Variants in POU2F1 observed in about 807,000 individuals in gnomAD.
POU2F1 encodes the protein POU domain, class 2, transcription factor 1.
POU2F1 carries 16 observed loss-of-function variants against 84.9 expected under a neutral mutation model. That is an observed-to-expected ratio of 0.19 (90% CI 0.13 to 0.29). The LOEUF (loss-of-function observed/expected upper bound fraction) is 0.29. Ranked by LOEUF, POU2F1 falls within the 10% of genes least tolerant of loss-of-function variation. The pLI is 1.00. For missense variants in POU2F1, 738 were observed against 942.6 expected, an observed-to-expected ratio of 0.78 and a Z score of 2.84; for synonymous variants, 368 against 368.3, an observed-to-expected ratio of 1.00 and a Z score of 0.01.
rs551447302 is a variant in POU2F1 at position 167,409,973 on chromosome 1, G to C, written c.1556-1986G>C. Reference sequence around the variant, plus strand: ...CTATGTGACAGGGGGCATGTCTTAAGAGAAGATTAAAGCGAAAAAGGGTAT... The same window carrying C: ...CTATGTGACAGGGGGCATGTCTTAACAGAAGATTAAAGCGAAAAAGGGTAT... On this transcript the variant is annotated intron_variant, in intron 13 of 15. Coordinates refer to ENST00000367866, the MANE Select transcript of POU2F1 (RefSeq NM_002697.4). 5.1e-4 allele frequency among the ~76,000 whole-genome samples: 78 copies of C among 152,306 alleles called. 1 individual carries two copies. The South Asian group carries it at 0.016, about 31-fold the overall frequency.
chr1:167,275,030 G>GTTTTTTTTTTTTTTTTTTT (rs1202443333), intron 1 of POU2F1, among the ~76,000 whole-genome samples: 1 of 120,756 alleles, frequency 8.3e-6, no homozygotes. Context: ...TCAAATAAAT[G>GTTTTTTTTTTTTTTTTTTT]TATTTTTTTT....
intron 1 of POU2F1, among the ~76,000 whole-genome samples, chr1:167,242,435 A>T (rs946573096): frequency 6.6e-6 from 1 of 152,206 alleles, no homozygotes; most frequent in African/African-American, 2.4e-5. Context: ...CTGGTACTTG[A>T]AAAACATGGT....
At chr1:167,272,752 A>G (rs561052882) in intron 1 of POU2F1, among the ~76,000 whole-genome samples, 5 of 152,242 alleles carry the variant, frequency 3.3e-5, no homozygotes, top group East Asian at 1.9e-4. Context: ...GAGGATTACA[A>G]TTTGACATGA....
intron 2 of POU2F1, among the ~76,000 whole-genome samples, chr1:167,357,873 G>C (rs1037778641): frequency 1.4e-5 from 2 of 140,072 alleles, no homozygotes; most frequent in Non-Finnish European, 3.0e-5. Context: ...GCGCTATCTC[G>C]GCTCATTGCA....
chr1:167,371,300 C>T (rs1392572216), intron 4 of POU2F1, among the ~76,000 whole-genome samples: 1 of 152,176 alleles, frequency 6.6e-6, no homozygotes, highest in Non-Finnish European at 1.5e-5. Flanking sequence ...ATTAGCCTTG[C>T]TGCAGTCCCC....
At position 167,332,549 on chromosome 1, in the gene POU2F1, G is replaced by C. The variant is rs758401665; in HGVS notation, c.127+14G>C. ...ATGGCAACACAGGTAAGAGTTTTCT[G>C]ATCTAGCTTTTTAATTAACTCTAGT... On this transcript the variant is annotated intron_variant, in intron 2 of 15. Coordinates refer to ENST00000367866, the MANE Select transcript of POU2F1 (RefSeq NM_002697.4). 7.4e-5 allele frequency: 117 copies of C among 1,579,328 alleles called. No homozygotes were observed. In the Admixed American group the frequency reaches 2.0e-3, roughly 26 times the overall value.
intron 9 of POU2F1, among the ~76,000 whole-genome samples, chr1:167,393,184 C>T (rs539013555): frequency 3.3e-5 from 5 of 152,090 alleles, no homozygotes; most frequent in East Asian, 1.9e-4. Flanking sequence ...ATATATGAAT[C>T]GACTACTTAA....
At chr1:167,225,740 G>T in intron 1 of POU2F1, among the ~76,000 whole-genome samples, 1 of 152,088 alleles carries the variant, frequency 6.6e-6, no homozygotes, top group Non-Finnish European at 1.5e-5. Context: ...TTTTAAGTTG[G>T]TCACTCATTT....
chr1:167,271,910 G>A (rs893402785), intron 1 of POU2F1, among the ~76,000 whole-genome samples: 9 of 152,106 alleles, frequency 5.9e-5, no homozygotes, highest in African/African-American at 2.2e-4. Context: ...AATATTTCAT[G>A]ACATTATAAT....
At chr1:167,387,142 C>T (rs1648039912) in intron 8 of POU2F1, 1 of 455,854 alleles carries the variant, frequency 2.2e-6, no homozygotes, top group Admixed American at 2.4e-5. Context: ...TGGCTTCATC[C>T]TGACTCCTGC....
rs1365303659 is a variant in POU2F1 at position 167,423,848 on chromosome 1, CATT to C, written c.*8041_*8043del. On this transcript the variant is annotated 3_prime_UTR_variant, in exon 16 of 16. Transcript: ENST00000367866. ...TTGGCAGTGGCATTGAGTTCTCAAA[CATT>C]ATATCCCAAAGTCTGCAGGCAGACA... is the stretch of plus-strand genomic sequence containing the variant. The C allele has an allele frequency of 2.0e-5, 3 of 152,218 alleles. No homozygotes were observed. The highest frequency in any genetic ancestry group is 4.4e-5 in the Non-Finnish European group (3 of 68,042). 9.4% of individuals were successfully genotyped at this position (152,218 alleles called of 1,614,324 possible). A position where few individuals can be genotyped will look rare whatever the true frequency, so the allele number is the denominator to read the frequency against.
At chr1:167,273,834 A>G (rs1361329543) in intron 1 of POU2F1, among the ~76,000 whole-genome samples, 1 of 152,240 alleles carries the variant, frequency 6.6e-6, no homozygotes, top group Non-Finnish European at 1.5e-5. Flanking sequence ...TGCTTAAGAT[A>G]GAAAAATAAG....
intron 15 of POU2F1, 104 bp from the exon 16 acceptor site, chr1:167,415,396 G>GGT (rs1650233540): frequency 1.6e-6 from 2 of 1,273,324 alleles, no homozygotes; most frequent in South Asian, 2.9e-5. Context: ...ACTTTTTCCT[G>GGT]GTGGGTTGTA....
chr1:167,278,520 T>G (rs964201301), intron 1 of POU2F1, among the ~76,000 whole-genome samples: 4 of 152,162 alleles, frequency 2.6e-5, no homozygotes, highest in African/African-American at 9.7e-5. Context: ...TTCAGGAAAT[T>G]TTAGGGCTCA....
intron 1 of POU2F1, among the ~76,000 whole-genome samples, chr1:167,267,921 G>A (rs1652095546): frequency 6.6e-6 from 1 of 152,036 alleles, no homozygotes; most frequent in South Asian, 2.1e-4. Context: ...GATTACAGGT[G>A]TGAGCCACCG....
intron 2 of POU2F1, among the ~76,000 whole-genome samples, chr1:167,357,231 T>G (rs1347151660): frequency 6.6e-6 from 1 of 152,182 alleles, no homozygotes; most frequent in Non-Finnish European, 1.5e-5. Context: ...ATCTTCTTCT[T>G]AATCTTAAAG....
Position 167,258,258 on chromosome 1 carries a change from C to G in POU2F1, c.61+37300C>G, listed in dbSNP as rs367639312. ...CATTTTGCTTCATTTTCTACTGTTT[C>G]TTATAGCTTGTGAGCATCTCCATAT... On this transcript the variant is annotated intron_variant, in intron 1 of 15. Coordinates refer to ENST00000367866, the MANE Select transcript of POU2F1 (RefSeq NM_002697.4). Among the ~76,000 whole-genome samples, 5 of 152,262 alleles carry G rather than the reference C, an allele frequency of 3.3e-5. No homozygotes were observed. In the East Asian group the frequency reaches 5.8e-4, roughly 18 times the overall value.
intron 1 of POU2F1, among the ~76,000 whole-genome samples, chr1:167,327,300 A>G (rs1344838793): frequency 6.6e-6 from 1 of 152,216 alleles, no homozygotes; most frequent in Non-Finnish European, 1.5e-5. Context: ...AAGGGATATC[A>G]TCATTTTATA....
intron 2 of POU2F1, among the ~76,000 whole-genome samples, chr1:167,353,465 G>A (rs1658718723): frequency 6.7e-6 from 1 of 149,876 alleles, no homozygotes; most frequent in African/African-American, 2.5e-5. Context: ...AACCGCTATT[G>A]TTCTTACCTT....
Sources: gnomAD v4.1 joint callset for allele counts (sites outside exome capture counted in the v4.1 genomes callset) on GRCh38, gnomAD v4.1.1 for gene constraint, MANE v1.5 for transcripts, NCBI Gene and HGNC (gene_info 2026-07-23, HGNC 2026-07-21) for gene names.